Variants in FLT1 observed in about 807,000 individuals in gnomAD.
The protein encoded by FLT1 is fms related receptor tyrosine kinase 1, also known as vascular endothelial growth factor receptor 1.
A neutral mutation model predicts 156.3 loss-of-function variants in FLT1; 49 were observed. The ratio of observed to expected loss-of-function variants is 0.31; its 90% CI spans 0.25 to 0.40. The LOEUF (loss-of-function observed/expected upper bound fraction) is 0.40. Among genes scored for constraint, FLT1 ranks in the 10% least tolerant of loss-of-function variants. The pLI is 1.00. For synonymous variants in FLT1, 594 were observed against 583.8 expected, an observed-to-expected ratio of 1.02 and a Z score of -0.25; for missense variants, 1,322 against 1,637.2, an observed-to-expected ratio of 0.81 and a Z score of 3.32.
At chr13:28,360,805 T>C (rs78040333) in intron 14 of FLT1, among the ~76,000 whole-genome samples, 14,705 of 152,146 alleles carry the variant, frequency 0.097, 817 homozygotes, top group African/African-American at 0.15. Context: ...CTAAAAATAA[T>C]GCACATTTCA....
In FLT1 at chr13:28,300,914, C is replaced by G. The variant is rs527306792; in HGVS notation, c.*2253G>C. 1 of 233,136 alleles carries G rather than the reference C, an allele frequency of 4.3e-6. No individual in the cohort carries two copies. The highest frequency in any genetic ancestry group is 6.0e-5 in the East Asian group (1 of 16,556). The allele number at this position is 233,136 out of a possible 1,614,324, so 14.4% of individuals were successfully genotyped here. ...TAATGAACAAGCACTTTGTAACTAG[C>G]TCATTATTACAAGTCTCCATTTTTC... On this transcript the variant is annotated 3_prime_UTR_variant, in exon 30 of 30. Transcript: ENST00000282397.
At chr13:28,408,633 G>A (rs571948083) in intron 10 of FLT1, among the ~76,000 whole-genome samples, 2 of 152,142 alleles carry the variant, frequency 1.3e-5, no homozygotes, top group Non-Finnish European at 2.9e-5. Context: ...ACTGTCTTGA[G>A]GGGGGAGGAA....
chr13:28,423,074 G>A (rs1272707540), intron 10 of FLT1, among the ~76,000 whole-genome samples: 1 of 152,176 alleles, frequency 6.6e-6, no homozygotes, highest in Non-Finnish European at 1.5e-5. Context: ...AGTCCTTGGG[G>A]GGTTTACTCG....
chr13:28,388,506 TA>T (rs1874507656), intron 13 of FLT1: 5 of 1,039,530 alleles, frequency 4.8e-6, no homozygotes, highest in Non-Finnish European at 4.6e-6. Context: ...CAATCATAAA[TA>T]AAAACAACAG....
At chr13:28,408,195 C>T (rs764613302) in intron 10 of FLT1, among the ~76,000 whole-genome samples, 27 of 152,088 alleles carry the variant, frequency 1.8e-4, no homozygotes, top group Non-Finnish European at 3.8e-4. Context: ...TTAGGAAATG[C>T]AAAGAAATAT....
At position 28,303,047 on chromosome 13, in the gene FLT1, C is replaced by T; in HGVS notation, c.*120G>A. On this transcript the variant is annotated 3_prime_UTR_variant, in exon 30 of 30. Coordinates refer to ENST00000282397, the MANE Select transcript of FLT1 (RefSeq NM_002019.4). ...GCACTATTAAAAAAATCACAAAAAG[C>T]AGCTGGCTCCCATGGAAAGATAAAG... 2.4e-6 allele frequency: 2 copies of T among 837,440 alleles called. No individual in the cohort carries two copies. Among genetic ancestry groups the T allele is most frequent in the Non-Finnish European group, 3.7e-6 (2 of 543,370 alleles). 51.9% of individuals were successfully genotyped at this position (837,440 alleles called of 1,614,324 possible). A position where few individuals can be genotyped will look rare whatever the true frequency, so the allele number is the denominator to read the frequency against.
intron 1 of FLT1, among the ~76,000 whole-genome samples, chr13:28,473,784 AAGAAAG>A (rs1880359589): frequency 1.1e-5 from 1 of 93,808 alleles, no homozygotes; most frequent in Non-Finnish European, 2.3e-5. Context: ...GAAGGAAAGA[AAGAAAG>A]AAAGAAAGAA....
chr13:28,470,835 C>A (rs1297152908), intron 1 of FLT1, among the ~76,000 whole-genome samples: 1 of 152,122 alleles, frequency 6.6e-6, no homozygotes, highest in Non-Finnish European at 1.5e-5. Context: ...TGATTACAGG[C>A]GCCTGCCACC....
chr13:28,411,936 T>C (rs1459404325), intron 10 of FLT1, among the ~76,000 whole-genome samples: 1 of 152,200 alleles, frequency 6.6e-6, no homozygotes, highest in Admixed American at 6.5e-5. Flanking sequence ...TGAGGACTTG[T>C]GTGAACTCTG....
chr13:28,408,182 G>A (rs1875924451), intron 10 of FLT1, among the ~76,000 whole-genome samples: 1 of 152,138 alleles, frequency 6.6e-6, no homozygotes, highest in Non-Finnish European at 1.5e-5. Context: ...ATACTCTTGG[G>A]CTTTAGGAAA....
chr13:28,389,728 A>G, intron 13 of FLT1, 68 bp downstream of exon 13: 1 of 1,613,004 alleles, frequency 6.2e-7, no homozygotes. Flanking sequence ...TTTGTGTGGT[A>G]CAATCATTCC....
chr13:28,438,215 A>T lies in FLT1; in HGVS notation c.513+6T>A. ...GTATGCTGAGAATAGCGGTGTTCAAATTTACCTTTTTTAAAGTAACAGTGA... is the reference window on the plus strand; with the variant it reads ...GTATGCTGAGAATAGCGGTGTTCAATTTTACCTTTTTTAAAGTAACAGTGA... On this transcript the variant is annotated splice_donor_region_variant and intron_variant, in intron 4 of 29. Coordinates refer to ENST00000282397, the MANE Select transcript of FLT1 (RefSeq NM_002019.4). 1 of 1,613,738 alleles carries T rather than the reference A, an allele frequency of 6.2e-7. No homozygotes were observed. The highest frequency in any genetic ancestry group is 8.5e-7 in the Non-Finnish European group (1 of 1,179,682).
At position 28,302,199 on chromosome 13, in the gene FLT1, CAG is replaced by C. The variant is rs1870543415; in HGVS notation, c.*966_*967del. 4.3e-6 allele frequency: 1 copy of C among 233,094 alleles called. No homozygotes were observed. The highest frequency in any genetic ancestry group is 5.6e-5 in the Admixed American group (1 of 17,770). The allele number at this position is 233,094 out of a possible 1,614,324, so 14.4% of individuals were successfully genotyped here. A position where few individuals can be genotyped will look rare whatever the true frequency, so the allele number is the denominator to read the frequency against. On this transcript the variant is annotated 3_prime_UTR_variant, in exon 30 of 30. Transcript: ENST00000282397. ...TTCTTTCACAACTAACTGTGCAAAA[CAG>C]AATAATACCAAGAAATTGAGTTAAG... is the stretch of plus-strand genomic sequence containing the variant.
Position 28,383,336 on chromosome 13 carries a change from A to G in FLT1, c.2116+1549T>C, listed in dbSNP as rs551264400. Reference sequence around the variant, plus strand: ...GCACCAAGTACTACATTGAGTTCACATGAAATGATGTGTAGGTATTGTATC... The same window carrying G: ...GCACCAAGTACTACATTGAGTTCACGTGAAATGATGTGTAGGTATTGTATC... On this transcript the variant is annotated intron_variant, in intron 14 of 29. Coordinates refer to ENST00000282397, the MANE Select transcript of FLT1 (RefSeq NM_002019.4). 1.4e-4 allele frequency among the ~76,000 whole-genome samples: 22 copies of G among 152,338 alleles called. 2 individuals are homozygous for G. The South Asian group carries it at 4.3e-3, about 30-fold the overall frequency.
At chr13:28,358,589 T>G (rs1872992137) in intron 14 of FLT1, among the ~76,000 whole-genome samples, 1 of 152,132 alleles carries the variant, frequency 6.6e-6, no homozygotes, top group African/African-American at 2.4e-5. Flanking sequence ...TCACCAAGGG[T>G]CTGTTGAGTA....
At chr13:28,450,134 G>A (rs1355542671) in intron 3 of FLT1, among the ~76,000 whole-genome samples, 2 of 152,180 alleles carry the variant, frequency 1.3e-5, no homozygotes, top group Non-Finnish European at 2.9e-5. Context: ...ACCCAGCACT[G>A]TGCACACGGA....
chr13:28,334,049 T>A lies in FLT1; in HGVS notation c.2569A>T (p.Thr857Ser). ...CCTTTCAGCATTTTCACAGCCACAG[T>A]CCGGCACGTAGGTGATTTCTTAATG... is the stretch of plus-strand genomic sequence containing the variant. ...FGIKKSPTCR[T>S]VAVKMLKEGA... The change falls in exon 18 of 30, where the codon ACT becomes TCT. Residue 857 changes from threonine (T) to serine (S), a missense_variant. Coordinates refer to ENST00000282397, the MANE Select transcript of FLT1 (RefSeq NM_002019.4). The A allele has an allele frequency of 1.2e-6, 2 of 1,612,590 alleles. No homozygotes were observed. Among genetic ancestry groups the A allele is most frequent in the Non-Finnish European group, 1.7e-6 (2 of 1,178,570 alleles).
chr13:28,401,948 C>A (rs2137483219), intron 11 of FLT1, among the ~76,000 whole-genome samples: 1 of 152,266 alleles, frequency 6.6e-6, no homozygotes, highest in Middle Eastern at 3.4e-3. Context: ...TGTGTTTTTT[C>A]TAACACGGGG....
intron 14 of FLT1, 74 bp downstream of exon 14, chr13:28,384,811 G>A: frequency 7.1e-7 from 1 of 1,403,216 alleles, no homozygotes; most frequent in Non-Finnish European, 1.0e-6. Context: ...GGAAGCAGGT[G>A]ACGGGACTGT....
Sources: allele counts gnomAD v4.1 joint callset (sites outside exome capture counted in the v4.1 genomes callset), GRCh38; gene constraint gnomAD v4.1.1; transcripts MANE v1.5; gene names NCBI Gene and HGNC (gene_info 2026-07-23, HGNC 2026-07-21).